The following ZNF547 variants were observed in gnomAD, a reference collection of about 807,000 sequenced individuals.
ZNF547 encodes zinc finger protein 547.
A neutral mutation model predicts 7.7 loss-of-function variants in ZNF547; 4 were observed. The observed-to-expected ratio is 0.52, with a 90% CI of 0.26 to 1.20. ZNF547 has a LOEUF of 1.20. Ranked by LOEUF, ZNF547 falls within the 50% of genes most tolerant of loss-of-function variation. The pLI, the probability that ZNF547 is intolerant of heterozygous loss-of-function variation, is 0.14. For missense variants in ZNF547, 449 were observed against 485.8 expected (o/e 0.92, Z 0.71); for synonymous variants, 166 against 166.2 (o/e 1.00, Z 0.01).
At chr19:57,364,993 T>G (rs1811863821) in intron 1 of ZNF547, 2 of 1,612,948 alleles carry the variant, frequency 1.2e-6, no homozygotes, top group African/African-American at 1.3e-5. Context: ...TGAGAACATG[T>G]GGCTGTCGAA....
At chr19:57,365,680 T>G (rs1568524003) in intron 1 of ZNF547, among the ~76,000 whole-genome samples, 1 of 151,804 alleles carries the variant, frequency 6.6e-6, no homozygotes, top group African/African-American at 2.4e-5. Flanking sequence ...TAATTTTTTT[T>G]GTATTTTTAG....
At chr19:57,371,748 G>C in intron 2 of ZNF547, 34 bp from the exon 3 acceptor site, 2 of 1,588,450 alleles carry the variant, frequency 1.3e-6, no homozygotes, top group South Asian at 2.3e-5. Context: ...AGTTTGAAAA[G>C]CTGCTCATGT....
At chr19:57,371,971 G>T in intron 3 of ZNF547, 63 bp downstream of exon 3, 2 of 1,497,224 alleles carry the variant, frequency 1.3e-6, no homozygotes, top group South Asian at 1.4e-5. Flanking sequence ...TTACCTGAAG[G>T]CAGCTCTGCG....
rs1210740525 is a variant in ZNF547 at position 57,378,883 on chromosome 19, TATTTTTAAGTC to T, written c.*702_*712del. ...ATTCTTCAGTCCCTGGCGACCACCA[TATTTTTAAGTC>T]ATTATGACTCTGACTATTCTTGGTA... On this transcript the variant is annotated 3_prime_UTR_variant, in exon 4 of 4. Transcript: ENST00000282282. The T allele has an allele frequency of 6.8e-6, 2 of 292,392 alleles. No individual in the cohort carries two copies. The highest frequency in any genetic ancestry group is 1.0e-4 in the Admixed American group (2 of 20,026). 18.1% of individuals were successfully genotyped at this position (292,392 alleles called of 1,614,324 possible).
At position 57,363,655 on chromosome 19, in the gene ZNF547, C is replaced by G; in HGVS notation, c.-61C>G. ...CTTGTCTTGCCTTTGTCGCCCCCGC[C>G]CCTCTCTTCCCTGGCTGGACTTGCG... is the stretch of plus-strand genomic sequence containing the variant. On this transcript the variant is annotated 5_prime_UTR_variant, in exon 1 of 4. Coordinates refer to ENST00000282282, the MANE Select transcript of ZNF547 (RefSeq NM_173631.4). The G allele has an allele frequency of 6.5e-6, 1 of 153,328 alleles. No homozygotes were observed. The highest frequency in any genetic ancestry group is 1.9e-4 in the East Asian group (1 of 5,178). 9.5% of individuals were successfully genotyped at this position (153,328 alleles called of 1,614,324 possible).
chr19:57,366,180 TA>T (rs1248918255), intron 1 of ZNF547, among the ~76,000 whole-genome samples: 2 of 151,220 alleles, frequency 1.3e-5, no homozygotes, highest in Non-Finnish European at 2.9e-5. Context: ...ATTTTTTACT[TA>T]AAAATTGGGA....
rs1211304249 is a variant in ZNF547 at position 57,364,517 on chromosome 19, C to G, written c.-13+814C>G. On this transcript the variant is annotated intron_variant, in intron 1 of 3. Coordinates refer to ENST00000282282, the MANE Select transcript of ZNF547 (RefSeq NM_173631.4). ...CAGCACTTTGGGAGGCCAAGGCGAG[C>G]GGATCACAAGGTCAGGCGTTCAAGA... The G allele has an allele frequency of 2.0e-5, 8 of 397,876 alleles. No individual in the cohort carries two copies. In the East Asian group the frequency reaches 3.9e-4, roughly 19 times the overall value. The allele number at this position is 397,876 out of a possible 1,614,324, so 24.6% of individuals were successfully genotyped here. A position where few individuals can be genotyped will look rare whatever the true frequency, so the allele number is the denominator to read the frequency against.
At chr19:57,366,009 C>T (rs946272953) in intron 1 of ZNF547, among the ~76,000 whole-genome samples, 3 of 149,910 alleles carry the variant, frequency 2.0e-5, no homozygotes, top group African/African-American at 4.9e-5. Flanking sequence ...GGATTACAGG[C>T]ATGCACCACC....
chr19:57,378,731 T>C lies in ZNF547; in HGVS notation c.*546T>C, dbSNP rs778666050. 7.1e-6 allele frequency: 3 copies of C among 424,606 alleles called. No homozygotes were observed. Among genetic ancestry groups the C allele is most frequent in the South Asian group, 3.5e-5 (2 of 57,736 alleles). The allele number at this position is 424,606 out of a possible 1,614,324, so 26.3% of individuals were successfully genotyped here. On this transcript the variant is annotated 3_prime_UTR_variant, in exon 4 of 4. Transcript: ENST00000282282. ...TACATGCCACATAAAATTTGCCATCTTAACTATTGTAATGTCTTGTTTAAT... is the reference window on the plus strand; with the variant it reads ...TACATGCCACATAAAATTTGCCATCCTAACTATTGTAATGTCTTGTTTAAT...
chr19:57,364,865 G>A, intron 1 of ZNF547: 1 of 1,611,096 alleles, frequency 6.2e-7, no homozygotes, highest in South Asian at 1.1e-5. Context: ...GTAATTGTTG[G>A]TCACCATGAT....
rs763040712 is a variant in ZNF547 at position 57,378,832 on chromosome 19, C to G, written c.*647C>G. 1.3e-5 allele frequency: 5 copies of G among 390,748 alleles called. No individual in the cohort carries two copies. The highest frequency in any genetic ancestry group is 3.7e-5 in the Admixed American group (1 of 27,126). The allele number at this position is 390,748 out of a possible 1,614,324, so 24.2% of individuals were successfully genotyped here. A position where few individuals can be genotyped will look rare whatever the true frequency, so the allele number is the denominator to read the frequency against. On this transcript the variant is annotated 3_prime_UTR_variant, in exon 4 of 4. Coordinates refer to ENST00000282282, the MANE Select transcript of ZNF547 (RefSeq NM_173631.4). ...CTTGTAAAATGAAACTCTATAACCA[C>G]CATTAAAAAAACAACTCATTCCCAC...
At chr19:57,375,211 A>G (rs987412640) in intron 3 of ZNF547, among the ~76,000 whole-genome samples, 2 of 151,898 alleles carry the variant, frequency 1.3e-5, no homozygotes, top group Non-Finnish European at 2.9e-5. Flanking sequence ...TTAGCCGGGT[A>G]TGGTGGCAGG....
At position 57,371,866 on chromosome 19, in the gene ZNF547, C is replaced by G. The variant is rs539742345; in HGVS notation, c.109C>G (p.Arg37Gly). 43 of 1,613,314 alleles carry G rather than the reference C, an allele frequency of 2.7e-5. No individual in the cohort carries two copies. In the South Asian group the frequency reaches 4.4e-4, roughly 16 times the overall value. ...CGATGAGGCTCAGAGATTGCTGTAC[C>G]GTGATGTGATGCTGGAGAATTTGGC... ...HLDEAQRLLYRDVMLENLALL... is the reference protein window; with the variant it reads ...HLDEAQRLLYGDVMLENLALL... The change falls in exon 3 of 4, where the codon CGT becomes GGT. Residue 37 changes from arginine (R) to glycine (G), a missense_variant. Coordinates refer to ENST00000282282, the MANE Select transcript of ZNF547 (RefSeq NM_173631.4).
In ZNF547 at chr19:57,365,353, T is replaced by C. The variant is rs1391205275; in HGVS notation, c.-13+1650T>C. ...CTTGATTAAATAGCCTGGAAATCTT[T>C]TGTGTATTCTCAGCTTATCTAAACT... On this transcript the variant is annotated intron_variant, in intron 1 of 3. Transcript: ENST00000282282. 3 of 856,318 alleles carry C rather than the reference T, an allele frequency of 3.5e-6. No individual in the cohort carries two copies. The African/African-American group carries it at 5.2e-5, about 15-fold the overall frequency. 53.0% of individuals were successfully genotyped at this position (856,318 alleles called of 1,614,324 possible).
rs2088554466 is a variant in ZNF547, at chr19:57,378,558, T to C, written c.*373T>C. On this transcript the variant is annotated 3_prime_UTR_variant, in exon 4 of 4. Coordinates refer to ENST00000282282, the MANE Select transcript of ZNF547 (RefSeq NM_173631.4). ...ATGTGTGACATTATTTTGCTACTAC[T>C]CCACACTACTTAGACATCATGTAGT... 1 of 405,200 alleles carries C rather than the reference T, an allele frequency of 2.5e-6. No individual in the cohort carries two copies. The highest frequency in any genetic ancestry group is 2.1e-5 in the African/African-American group (1 of 48,716). 25.1% of individuals were successfully genotyped at this position (405,200 alleles called of 1,614,324 possible). A position where few individuals can be genotyped will look rare whatever the true frequency, so the allele number is the denominator to read the frequency against.
chr19:57,378,372 A>T lies in ZNF547; in HGVS notation c.*187A>T. ...GAAATGTGTGTTCAGCAAACTCGGG[A>T]CATTATTTTGGTTTGACTCTCATCT... is the stretch of plus-strand genomic sequence containing the variant. On this transcript the variant is annotated 3_prime_UTR_variant, in exon 4 of 4. Transcript: ENST00000282282. 1.4e-6 allele frequency: 1 copy of T among 724,276 alleles called. No homozygotes were observed. Among genetic ancestry groups the T allele is most frequent in the Non-Finnish European group, 2.5e-6 (1 of 406,294 alleles). 44.9% of individuals were successfully genotyped at this position (724,276 alleles called of 1,614,324 possible). A position where few individuals can be genotyped will look rare whatever the true frequency, so the allele number is the denominator to read the frequency against.
intron 3 of ZNF547, among the ~76,000 whole-genome samples, chr19:57,373,462 C>G (rs1477626201): frequency 7.2e-6 from 1 of 138,068 alleles, no homozygotes; most frequent in Admixed American, 7.5e-5. Flanking sequence ...TATGTCCCTT[C>G]CACATTTCAA....
rs1049545255 is a variant in ZNF547 at position 57,365,488 on chromosome 19, T to G, written c.-13+1785T>G. On this transcript the variant is annotated intron_variant, in intron 1 of 3. Coordinates refer to ENST00000282282, the MANE Select transcript of ZNF547 (RefSeq NM_173631.4). ...AATGTTATTTATAAAGAACTCATTA[T>G]CAATAATAATTAATTTCTTTCTTTT... The G allele has an allele frequency of 3.7e-5, 17 of 458,334 alleles. No homozygotes were observed. In the Admixed American group the frequency reaches 6.2e-4, roughly 17 times the overall value. 28.4% of individuals were successfully genotyped at this position (458,334 alleles called of 1,614,324 possible).
intron 2 of ZNF547, among the ~76,000 whole-genome samples, chr19:57,369,185 AGGTGGATGTT>A (rs1220998210): frequency 6.6e-6 from 1 of 152,116 alleles, no homozygotes; most frequent in Non-Finnish European, 1.5e-5. Context: ...GCAGCAGTCT[AGGTGGATGTT>A]GGTGGTGACT....
Sources: allele counts gnomAD v4.1 joint callset (sites outside exome capture counted in the v4.1 genomes callset), GRCh38; gene constraint gnomAD v4.1.1; transcripts MANE v1.5; gene names NCBI Gene and HGNC (gene_info 2026-07-23, HGNC 2026-07-21).